PIWIL4: variants seen among roughly 807,000 people sequenced by gnomAD.
The protein encoded by PIWIL4 is piwi-like protein 4.
PIWIL4 carries 50 observed loss-of-function variants against 100.9 expected under a neutral mutation model. The observed-to-expected ratio is 0.50, with a 90% CI of 0.39 to 0.63. The LOEUF is 0.63. PIWIL4 is among the 20% of genes least tolerant of loss of function. PIWIL4 has a pLI of 0.00. For synonymous variants in PIWIL4, 342 were observed against 367.5 expected, an observed-to-expected ratio of 0.93 and a Z score of 0.79; for missense variants, 887 against 1,043.3, an observed-to-expected ratio of 0.85 and a Z score of 2.06.
chr11:94,602,058 AAAGCTTCTTTATCCC>A, intron 12 of PIWIL4, 79 bp downstream of exon 12: 1 of 1,349,224 alleles, frequency 7.4e-7, no homozygotes, highest in Middle Eastern at 1.9e-4. Context: ...TGTATCAACA[AAAGCTTCTTTATCCC>A]AGTAGTTTCC....
intron 15 of PIWIL4, among the ~76,000 whole-genome samples, chr11:94,609,850 C>A (rs1948767873): frequency 6.6e-6 from 1 of 151,978 alleles, no homozygotes; most frequent in South Asian, 2.1e-4. Context: ...ACTAACATAT[C>A]CATTACCTCA....
intron 13 of PIWIL4, among the ~76,000 whole-genome samples, chr11:94,605,105 T>A (rs1363320838): frequency 6.6e-6 from 1 of 152,220 alleles, no homozygotes. Flanking sequence ...CCAGTGCCCT[T>A]GACTATTTCA....
chr11:94,571,563 G>C (rs1414913303), intron 2 of PIWIL4, among the ~76,000 whole-genome samples: 2 of 152,180 alleles, frequency 1.3e-5, no homozygotes, highest in East Asian at 1.9e-4. Flanking sequence ...GGGATAGTTT[G>C]CTCAGAATGA....
intron 15 of PIWIL4, among the ~76,000 whole-genome samples, chr11:94,615,285 C>T (rs1229271755): frequency 6.6e-6 from 1 of 152,204 alleles, no homozygotes; most frequent in Non-Finnish European, 1.5e-5. Flanking sequence ...ACTCACTACA[C>T]TCTAATTTTC....
chr11:94,574,962 A>C, intron 2 of PIWIL4, 37 bp from the exon 3 acceptor site: 2 of 1,594,360 alleles, frequency 1.3e-6, no homozygotes, highest in Non-Finnish European at 1.7e-6. Flanking sequence ...CACTAGAATG[A>C]AATATTAGCT....
At chr11:94,581,127 T>A (rs931159059) in intron 4 of PIWIL4, among the ~76,000 whole-genome samples, 39 of 152,022 alleles carry the variant, frequency 2.6e-4, no homozygotes, top group African/African-American at 8.7e-4. Context: ...CTCAAACTTC[T>A]GACCTCAGGT....
At chr11:94,575,185 CT>C (rs1948220844) in intron 3 of PIWIL4, 55 bp downstream of exon 3, 14 of 1,546,340 alleles carry the variant, frequency 9.1e-6, no homozygotes, top group Non-Finnish European at 1.2e-5. Flanking sequence ...TGCTTAAGGA[CT>C]TCCAAATTCT....
intron 4 of PIWIL4, among the ~76,000 whole-genome samples, chr11:94,578,328 G>A (rs910482317): frequency 2.6e-5 from 4 of 152,166 alleles, no homozygotes; most frequent in Non-Finnish European, 4.4e-5. Flanking sequence ...AATTTGGCAA[G>A]CGTTGAATGG....
At chr11:94,576,112 A>C (rs1239829133) in intron 3 of PIWIL4, among the ~76,000 whole-genome samples, 1 of 152,122 alleles carries the variant, frequency 6.6e-6, no homozygotes, top group Non-Finnish European at 1.5e-5. Flanking sequence ...GAAAAGCAAA[A>C]TAGCATCTAT....
intron 12 of PIWIL4, 75 bp from the exon 13 acceptor site, chr11:94,603,909 T>C (rs914399180): frequency 2.3e-6 from 2 of 863,594 alleles, no homozygotes; most frequent in African/African-American, 3.5e-5. Flanking sequence ...TTTATTTGTA[T>C]TATTTCTAAT....
intron 15 of PIWIL4, among the ~76,000 whole-genome samples, chr11:94,615,008 G>A (rs796871553): frequency 5.3e-5 from 8 of 152,274 alleles, no homozygotes; most frequent in African/African-American, 1.9e-4. Flanking sequence ...GAGCCAGCCT[G>A]GTCAGGGGTG....
intron 9 of PIWIL4, 39 bp from the exon 10 acceptor site, chr11:94,595,270 T>C (rs1948541131): frequency 1.3e-6 from 2 of 1,571,828 alleles, no homozygotes; most frequent in African/African-American, 1.3e-5. Context: ...GAGTTGCTTA[T>C]GTTCATTTTC....
chr11:94,577,588 A>C (rs1425982665), intron 4 of PIWIL4, 96 bp downstream of exon 4: 1 of 981,006 alleles, frequency 1.0e-6, no homozygotes, highest in African/African-American at 1.6e-5. Flanking sequence ...AGGAGATTCC[A>C]AAAGGTTTGT....
intron 1 of PIWIL4, among the ~76,000 whole-genome samples, chr11:94,568,428 C>T (rs1019529531): frequency 6.6e-5 from 10 of 152,102 alleles, no homozygotes; most frequent in Non-Finnish European, 1.3e-4. Context: ...GCATCTGTGC[C>T]GCATGCCCTC....
At chr11:94,592,164 CT>C (rs1948495509) in intron 8 of PIWIL4, among the ~76,000 whole-genome samples, 1 of 152,148 alleles carries the variant, frequency 6.6e-6, no homozygotes, top group Non-Finnish European at 1.5e-5. Flanking sequence ...GGATCCAGTA[CT>C]GAGTGGTATA....
intron 4 of PIWIL4, 121 bp from the exon 5 acceptor site, chr11:94,583,327 A>G: frequency 9.1e-7 from 1 of 1,095,960 alleles, no homozygotes; most frequent in Non-Finnish European, 1.3e-6. Flanking sequence ...ATTATTACTC[A>G]TACTAACACC....
At chr11:94,609,004 T>G (rs1948758796) in intron 15 of PIWIL4, among the ~76,000 whole-genome samples, 1 of 152,234 alleles carries the variant, frequency 6.6e-6, no homozygotes, top group Admixed American at 6.5e-5. Context: ...AACTAGGTAC[T>G]TTACATATAT....
At chr11:94,607,719 A>C (rs1362440813) in intron 14 of PIWIL4, 80 bp downstream of exon 14, 1 of 1,374,490 alleles carries the variant, frequency 7.3e-7, no homozygotes, top group Non-Finnish European at 9.9e-7. Context: ...TTATCACATG[A>C]TCCCAGAATT....
At chr11:94,583,343 T>G in intron 4 of PIWIL4, 105 bp from the exon 5 acceptor site, 1 of 1,282,674 alleles carries the variant, frequency 7.8e-7, no homozygotes, top group Non-Finnish European at 1.1e-6. Context: ...ACACCTGCAG[T>G]TTTGTTTTTG....
Sources: allele counts gnomAD v4.1 joint callset (sites outside exome capture counted in the v4.1 genomes callset), GRCh38; gene constraint gnomAD v4.1.1; transcripts MANE v1.5; gene names NCBI Gene and HGNC (gene_info 2026-07-23, HGNC 2026-07-21).